The following CACNA1C variants were observed in gnomAD, a reference collection of about 807,000 sequenced individuals.
CACNA1C encodes the protein voltage-dependent L-type calcium channel subunit alpha-1C.
A neutral mutation model predicts 229.0 loss-of-function variants in CACNA1C; 30 were observed. The observed-to-expected ratio is 0.13, with a 90% CI of 0.10 to 0.18. The LOEUF (loss-of-function observed/expected upper bound fraction) is 0.18. Ranked by LOEUF, CACNA1C falls within the 10% of genes least tolerant of loss-of-function variation. CACNA1C has a pLI of 1.00. For synonymous variants in CACNA1C, 1,114 were observed against 1,132.5 expected, an observed-to-expected ratio of 0.98 and a Z score of 0.33; for missense variants, 1,658 against 2,845.0, an observed-to-expected ratio of 0.58 and a Z score of 9.49.
chr12:2,244,258 A>G (rs1252268431), intron 3 of CACNA1C, among the ~76,000 whole-genome samples: 1 of 152,218 alleles, frequency 6.6e-6, no homozygotes, highest in Non-Finnish European at 1.5e-5. Context: ...CTCCCCTAGC[A>G]TGCGTTGTGG....
At chr12:2,261,595 T>C (rs2154402820) in intron 3 of CACNA1C, among the ~76,000 whole-genome samples, 1 of 152,356 alleles carries the variant, frequency 6.6e-6, no homozygotes, top group Middle Eastern at 3.4e-3. Context: ...ACTGGATTAA[T>C]AAGTCATGAC....
intron 3 of CACNA1C, among the ~76,000 whole-genome samples, chr12:2,363,215 C>T (rs1027861726): frequency 4.6e-5 from 7 of 152,154 alleles, no homozygotes; most frequent in East Asian, 1.9e-4. Flanking sequence ...GGAGGTTCCC[C>T]GTAAGGAGAC....
In CACNA1C at chr12:2,568,834, C is replaced by T. The variant is rs534452564; in HGVS notation, c.1895+1040C>T. 2.0e-5 allele frequency among the ~76,000 whole-genome samples: 3 copies of T among 151,658 alleles called. No individual in the cohort carries two copies. The East Asian group carries it at 5.8e-4, about 29-fold the overall frequency. ...GAGGATGGTGGTGGTTTCACAACAG[C>T]GTGAATGTATTTAGCACCACTGAAT... On this transcript the variant is annotated intron_variant, in intron 13 of 46. Coordinates refer to ENST00000399655, the MANE Select transcript of CACNA1C (RefSeq NM_000719.7).
intron 44 of CACNA1C, 51 bp from the exon 45 acceptor site, chr12:2,686,115 C>G: frequency 7.2e-7 from 1 of 1,392,792 alleles, no homozygotes; most frequent in East Asian, 2.3e-5. Context: ...CTGTCACAGG[C>G]CAGTGCCCTG....
chr12:2,616,959 A>T (rs992858662), intron 29 of CACNA1C, among the ~76,000 whole-genome samples: 29 of 152,350 alleles, frequency 1.9e-4, no homozygotes, highest in African/African-American at 6.0e-4. Flanking sequence ...GCCACCACAC[A>T]CAAAGGACGT....
chr12:2,145,691 C>T (rs537563832), intron 3 of CACNA1C, among the ~76,000 whole-genome samples: 4 of 151,360 alleles, frequency 2.6e-5, no homozygotes, highest in Admixed American at 6.6e-5. Context: ...GTGAGGAAAA[C>T]GCTAGATTAA....
chr12:2,165,115 T>C (rs1319861685), intron 3 of CACNA1C, among the ~76,000 whole-genome samples: 1 of 152,188 alleles, frequency 6.6e-6, no homozygotes, highest in African/African-American at 2.4e-5. Context: ...ATTTATGGAA[T>C]TGGGAAGACT....
At chr12:2,670,282 G>A (rs988144166) in intron 38 of CACNA1C, among the ~76,000 whole-genome samples, 15 of 152,204 alleles carry the variant, frequency 9.9e-5, no homozygotes, top group African/African-American at 2.4e-4. Context: ...TGTGTTCCTC[G>A]GGGCAACAGA....
intron 43 of CACNA1C, 108 bp downstream of exon 43, chr12:2,682,786 AG>A (rs768163002): frequency 2.7e-5 from 31 of 1,139,874 alleles, no homozygotes; most frequent in African/African-American, 4.3e-5. Context: ...GCAGGAGGAG[AG>A]GAGATCACAG....
intron 4 of CACNA1C, among the ~76,000 whole-genome samples, chr12:2,451,294 A>C (rs2099366455): frequency 6.6e-6 from 1 of 152,190 alleles, no homozygotes; most frequent in South Asian, 2.1e-4. Context: ...AAATGCCCCT[A>C]AATCCTTTTT....
intron 1 of CACNA1C, among the ~76,000 whole-genome samples, chr12:1,975,704 T>C (rs2034125680): frequency 6.6e-6 from 1 of 152,204 alleles, no homozygotes. Flanking sequence ...GCTGAGAACC[T>C]TAATAGTCTT....
intron 3 of CACNA1C, among the ~76,000 whole-genome samples, chr12:2,174,751 C>T (rs1238679177): frequency 6.6e-6 from 1 of 152,186 alleles, no homozygotes; most frequent in African/African-American, 2.4e-5. Flanking sequence ...TGACTGATAA[C>T]ATAAACAGTC....
At chr12:2,238,263 C>G (rs1377482975) in intron 3 of CACNA1C, among the ~76,000 whole-genome samples, 1 of 152,190 alleles carries the variant, frequency 6.6e-6, no homozygotes, top group African/African-American at 2.4e-5. Flanking sequence ...GACGAGGTAA[C>G]TAGGTGACTT....
At chr12:2,496,282 C>T (rs942257805) in intron 7 of CACNA1C, among the ~76,000 whole-genome samples, 1 of 152,098 alleles carries the variant, frequency 6.6e-6, no homozygotes, top group Admixed American at 6.5e-5. Flanking sequence ...AGATAGTTTC[C>T]ACAGGGAGGA....
At chr12:2,026,275 T>C (rs2047304880) in intron 1 of CACNA1C, among the ~76,000 whole-genome samples, 1 of 152,264 alleles carries the variant, frequency 6.6e-6, no homozygotes, top group South Asian at 2.1e-4. Flanking sequence ...CAAGTACTTA[T>C]TGGCTCTGCT....
In CACNA1C at chr12:2,285,772, C is replaced by T. The variant is rs577183805; in HGVS notation, c.478-163204C>T. Among the ~76,000 whole-genome samples, 6 of 152,242 alleles carry T rather than the reference C, an allele frequency of 3.9e-5. No individual in the cohort carries two copies. In the East Asian group the frequency reaches 5.8e-4, roughly 15 times the overall value. ...CGTGCTCATTCGAGAGAGGCTGGTGCGCACCTACCCAGCGGCTTTTTGGGC... is the reference window on the plus strand; with the variant it reads ...CGTGCTCATTCGAGAGAGGCTGGTGTGCACCTACCCAGCGGCTTTTTGGGC... On this transcript the variant is annotated intron_variant, in intron 3 of 46. Transcript: ENST00000399655. This position sits in a 1 kb window ranked among gnomAD's most constrained non-coding sequence, Gnocchi z 4.2.
chr12:2,149,366 A>G (rs1461537934), intron 3 of CACNA1C, among the ~76,000 whole-genome samples: 2 of 152,114 alleles, frequency 1.3e-5, no homozygotes, highest in Non-Finnish European at 2.9e-5. Flanking sequence ...TATCATAGGA[A>G]ATGTCACGGT....
chr12:2,367,579 T>A (rs1182977569), intron 3 of CACNA1C, among the ~76,000 whole-genome samples: 1 of 152,144 alleles, frequency 6.6e-6, no homozygotes, highest in African/African-American at 2.4e-5. Context: ...CAGGAGACAC[T>A]AAAACAAAGT....
chr12:2,257,766 ACT>A (rs2078542032), intron 3 of CACNA1C, among the ~76,000 whole-genome samples: 1 of 152,216 alleles, frequency 6.6e-6, no homozygotes, highest in Non-Finnish European at 1.5e-5. Flanking sequence ...CTAAGGTTTA[ACT>A]CTCTAGTCTT....
Sources: allele counts gnomAD v4.1 joint callset (sites outside exome capture counted in the v4.1 genomes callset), GRCh38; gene constraint gnomAD v4.1.1; non-coding constraint Gnocchi (gnomAD v3.1); transcripts MANE v1.5; gene names NCBI Gene and HGNC (gene_info 2026-07-23, HGNC 2026-07-21).